The following GRXCR2 variants were observed in gnomAD, a reference collection of about 807,000 sequenced individuals.
The protein encoded by GRXCR2 is glutaredoxin domain-containing cysteine-rich protein 2.
Under a neutral mutation model 24.8 loss-of-function variants are expected in GRXCR2, and 23 were observed. The ratio of observed to expected loss-of-function variants is 0.93; its 90% confidence interval spans 0.67 to 1.32. The LOEUF is 1.32. Among genes scored for constraint, GRXCR2 ranks in the 40% most tolerant of loss-of-function variants. The probability of loss-of-function intolerance (pLI) is 0.00; values close to 1 mark genes in which losing one functional copy is unlikely to be tolerated. For synonymous variants in GRXCR2, 130 were observed against 116.1 expected (o/e 1.12, Z -0.77); for missense variants, 315 against 303.4 (o/e 1.04, Z -0.28).
At chr5:145,889,716 C>G (rs1369889031) in intron 2 of GRXCR2, among the ~76,000 whole-genome samples, 3 of 152,140 alleles carry the variant, frequency 2.0e-5, no homozygotes, top group African/African-American at 7.2e-5. Context: ...TAGCAATGGT[C>G]CCTACACAAA....
intron 2 of GRXCR2, among the ~76,000 whole-genome samples, chr5:145,891,309 C>T (rs1343742367): frequency 1.3e-5 from 2 of 152,046 alleles, no homozygotes; most frequent in East Asian, 1.9e-4. Context: ...TTCAGCACAC[C>T]GAGCATGAGC....
At chr5:145,917,841 G>A (rs1757262268) in intron 2 of GRXCR2, among the ~76,000 whole-genome samples, 1 of 152,164 alleles carries the variant, frequency 6.6e-6, no homozygotes, top group Non-Finnish European at 1.5e-5. Flanking sequence ...GGGCAGTAGT[G>A]CAATCTTGGC....
chr5:145,885,631 C>A (rs1337436358), intron 2 of GRXCR2, among the ~76,000 whole-genome samples: 3 of 152,210 alleles, frequency 2.0e-5, no homozygotes, highest in Admixed American at 1.3e-4. Flanking sequence ...AAACTGGTTT[C>A]TTTACTGCAG....
At chr5:145,887,380 C>T (rs1230547369) in intron 2 of GRXCR2, among the ~76,000 whole-genome samples, 3 of 152,244 alleles carry the variant, frequency 2.0e-5, no homozygotes, top group Admixed American at 2.0e-4. Context: ...TTACTTGTCG[C>T]TACCCTATTA....
intron 1 of GRXCR2, among the ~76,000 whole-genome samples, chr5:145,869,683 G>A (rs939449188): frequency 2.6e-5 from 4 of 151,220 alleles, no homozygotes; most frequent in Admixed American, 6.6e-5. Context: ...TCAGCCTCCC[G>A]AGTAGCTGGG....
intron 2 of GRXCR2, among the ~76,000 whole-genome samples, chr5:145,894,113 C>G (rs531073931): frequency 6.6e-6 from 1 of 152,100 alleles, no homozygotes; most frequent in Admixed American, 6.6e-5. Flanking sequence ...ATACCAGAAT[C>G]TCTGGGACAC....
chr5:145,866,438 C>A, intron 2 of GRXCR2, 63 bp downstream of exon 2: 1 of 1,194,482 alleles, frequency 8.4e-7, no homozygotes. Flanking sequence ...CACAATCAAG[C>A]CAGCTTGGAG....
intron 2 of GRXCR2, among the ~76,000 whole-genome samples, chr5:145,909,529 C>A (rs1453945592): frequency 6.6e-6 from 1 of 152,154 alleles, no homozygotes; most frequent in Non-Finnish European, 1.5e-5. Context: ...CTCTATTGCC[C>A]CCCTCAGTGT....
At position 145,892,024 on chromosome 5, in the gene GRXCR2, G is replaced by A. The variant is rs995433206; in HGVS notation, c.-69-25296C>T. Among the ~76,000 whole-genome samples the A allele has an allele frequency of 8.5e-5, 13 of 152,284 alleles. 1 individual carries two copies. The highest frequency in any genetic ancestry group is 2.6e-4 in the Admixed American group (4 of 15,292). On this transcript the variant is annotated intron_variant, in intron 2 of 3. Transcript: ENST00000639411. ...CACTGCTGATACCCAGGCAAACAGG[G>A]TCTGGAGTGGACCTCCAGCAAACTC...
chr5:145,876,216 T>TATATATACAC (rs1420891903), upstream of GRXCR2, among the ~76,000 whole-genome samples: 3 of 133,912 alleles, frequency 2.2e-5, no homozygotes, highest in African/African-American at 8.7e-5. Flanking sequence ...TATATATATA[T>TATATATACAC]ACACACACAC....
upstream of GRXCR2, among the ~76,000 whole-genome samples, chr5:145,873,574 C>T (rs1756567194): frequency 6.6e-6 from 1 of 152,156 alleles, no homozygotes; most frequent in Admixed American, 6.5e-5. Context: ...TATCTGACTC[C>T]AAAACCCAAG....
chr5:145,895,995 G>C (rs1011951903), intron 2 of GRXCR2, among the ~76,000 whole-genome samples: 3 of 152,160 alleles, frequency 2.0e-5, no homozygotes, highest in Admixed American at 6.5e-5. Context: ...ACAACCATCT[G>C]ATCTTTGACA....
rs781344559 is a variant in GRXCR2, at chr5:145,859,891, A to C, written c.589T>G (p.Cys197Gly). 1.3e-6 allele frequency: 2 copies of C among 1,594,488 alleles called. No homozygotes were observed. Among genetic ancestry groups the C allele is most frequent in the East Asian group, 2.2e-5 (1 of 44,630 alleles). The change falls in exon 3 of 3, where the codon TGT (cysteine) becomes GGT (glycine). Residue 197 changes from cysteine to glycine, a missense_variant. By Grantham distance (159) the Cys-to-Gly change is radical. Coordinates refer to ENST00000377976, the MANE Select transcript of GRXCR2 (RefSeq NM_001080516.2). ...CTGCCCGACCCTCGGCAGTGAAAAC[A>C]GCTGTCCTCGGGAATATCCCCTTCC... The part of the protein sequence containing the change: ...TQEGDIPEDS[C>G]FHCRGSGSAT...
intron 2 of GRXCR2, among the ~76,000 whole-genome samples, chr5:145,903,529 CAA>C (rs33972911): frequency 0.22 from 31,883 of 147,222 alleles, 4,959 homozygotes; most frequent in African/African-American, 0.43. Context: ...GATTCAGAGT[CAA>C]AAAAAAAAAA....
At chr5:145,913,787 T>A (rs1757197566) in intron 2 of GRXCR2, among the ~76,000 whole-genome samples, 1 of 152,016 alleles carries the variant, frequency 6.6e-6, no homozygotes, top group Non-Finnish European at 1.5e-5. Flanking sequence ...CTTCCCAAAG[T>A]GCTGGGATTA....
At chr5:145,868,993 C>T (rs1756479384) in intron 1 of GRXCR2, among the ~76,000 whole-genome samples, 1 of 152,228 alleles carries the variant, frequency 6.6e-6, no homozygotes, top group African/African-American at 2.4e-5. Context: ...CATTTCCTTA[C>T]TAGTGCACAG....
chr5:145,927,581 G>A (rs11167917), intron 2 of GRXCR2, among the ~76,000 whole-genome samples: 27,665 of 152,052 alleles, frequency 0.18, 2,773 homozygotes, highest in Non-Finnish European at 0.23. Context: ...GATGAAGCCC[G>A]CTTGATCATG....
intron 2 of GRXCR2, among the ~76,000 whole-genome samples, chr5:145,906,556 A>G (rs1023474368): frequency 2.6e-5 from 4 of 152,150 alleles, no homozygotes; most frequent in Non-Finnish European, 5.9e-5. Context: ...ATTTCCCTGA[A>G]TTTCCAACAG....
At chr5:145,872,070 T>A (rs1756539482) in intron 1 of GRXCR2, among the ~76,000 whole-genome samples, 1 of 152,140 alleles carries the variant, frequency 6.6e-6, no homozygotes, top group Admixed American at 6.5e-5. Flanking sequence ...ACATAACATA[T>A]CCTCTGGCTG....
Sources: gnomAD v4.1 joint callset for allele counts (sites outside exome capture counted in the v4.1 genomes callset) on GRCh38, gnomAD v4.1.1 for gene constraint, MANE v1.5 for transcripts, NCBI Gene and HGNC (gene_info 2026-07-23, HGNC 2026-07-21) for gene names.